TMEM130: variants seen among roughly 807,000 people sequenced by gnomAD.
The protein encoded by TMEM130 is transmembrane protein 130.
In TMEM130, 37 loss-of-function variants were observed where a neutral mutation model predicts 42.9. The ratio of observed to expected loss-of-function variants is 0.86; its 90% CI spans 0.66 to 1.13. TMEM130 has a LOEUF of 1.13. TMEM130 is among the 50% of genes most tolerant of loss of function. The probability of loss-of-function intolerance (pLI) is 0.00; values close to 1 mark genes in which losing one functional copy is unlikely to be tolerated. For missense variants in TMEM130, 545 were observed against 562.6 expected, an observed-to-expected ratio of 0.97 and a Z score of 0.32; for synonymous variants, 259 against 237.7, an observed-to-expected ratio of 1.09 and a Z score of -0.82.
In TMEM130 at chr7:98,869,406, T is replaced by G; in HGVS notation, c.85+371A>C. 1 of 1,201,846 alleles carries G rather than the reference T, an allele frequency of 8.3e-7. No individual in the cohort carries two copies. The highest frequency in any genetic ancestry group is 1.0e-6 in the Non-Finnish European group (1 of 955,438). The allele number at this position is 1,201,846 out of a possible 1,614,324, so 74.4% of individuals were successfully genotyped here. ...GGGGGACTGGGGAATTGTGGCGCGA[T>G]GACGGACCCTGGCGCATCCCCGCCT... On this transcript the variant is annotated intron_variant, in intron 1 of 7. Coordinates refer to ENST00000339375, the MANE Select transcript of TMEM130 (RefSeq NM_152913.3). This position sits in a 1 kb window ranked among gnomAD's most constrained non-coding sequence, Gnocchi z 4.7.
chr7:98,869,398 T>C lies in TMEM130; in HGVS notation c.85+379A>G, dbSNP rs116386131. The stretch of plus-strand genomic sequence containing the variant: ...TGCTCCCTGGGGGACTGGGGAATTG[T>C]GGCGCGATGACGGACCCTGGCGCAT... On this transcript the variant is annotated intron_variant, in intron 1 of 7. Transcript: ENST00000339375. The surrounding 1 kb of genome is among the most constrained non-coding windows in gnomAD (Gnocchi z 4.7). The C allele has an allele frequency of 0.014, 16,303 of 1,197,976 alleles. 1,765 individuals are homozygous for C. The African/African-American group carries it at 0.23, about 17-fold the overall frequency. The allele number at this position is 1,197,976 out of a possible 1,614,324, so 74.2% of individuals were successfully genotyped here. A position where few individuals can be genotyped will look rare whatever the true frequency, so the allele number is the denominator to read the frequency against.
At chr7:98,851,775 A>C (rs941269491) in intron 5 of TMEM130, 152 bp from the exon 6 acceptor site, 13 of 665,276 alleles carry the variant, frequency 2.0e-5, no homozygotes, top group Middle Eastern at 4.1e-4. Flanking sequence ...TGCATTCCAG[A>C]CCAGGGGACA....
At chr7:98,861,596 TCCCAGCTACTTGGGAGGCGA>T (rs1349539138) in intron 2 of TMEM130, among the ~76,000 whole-genome samples, 2 of 152,000 alleles carry the variant, frequency 1.3e-5, no homozygotes, top group African/African-American at 4.8e-5. Flanking sequence ...GCACCTGTAG[TCCCAGCTACTTGGGAGGCGA>T]AGGCACGAGA....
intron 6 of TMEM130, among the ~76,000 whole-genome samples, chr7:98,850,273 A>ATATATTTTTTTT: frequency 2.8e-5 from 1 of 35,448 alleles, no homozygotes; most frequent in Non-Finnish European, 6.3e-5. Context: ...ATATATATAT[A>ATATATTTTTTTT]TTTTTTTTTT....
rs549462354 is a variant in TMEM130 at position 98,847,765 on chromosome 7, C to G, written c.*291G>C. ...ACCTGGGAGTCAACACGGAACACCCCAAGCATCAAAGTCCTGCACGAAGCC... is the reference window on the plus strand; with the variant it reads ...ACCTGGGAGTCAACACGGAACACCCGAAGCATCAAAGTCCTGCACGAAGCC... On this transcript the variant is annotated 3_prime_UTR_variant, in exon 8 of 8. Transcript: ENST00000339375. 3.6e-6 allele frequency: 1 copy of G among 274,966 alleles called. No individual in the cohort carries two copies. The highest frequency in any genetic ancestry group is 6.6e-5 in the East Asian group (1 of 15,214). 17.0% of individuals were successfully genotyped at this position (274,966 alleles called of 1,614,324 possible).
rs1382614937 is a variant in TMEM130, at chr7:98,863,741, CTCT to C, written c.86-344_86-342del. On this transcript the variant is annotated intron_variant, in intron 1 of 7. Transcript: ENST00000339375. Reference sequence around the variant, plus strand: ...TCTTTTTCTTTCCTTTCCTTCCTTTCTCTTTTCTTTTCTCTCTCCTTCCTTCCT... The same window carrying C: ...TCTTTTTCTTTCCTTTCCTTCCTTTCTTTCTTTTCTCTCTCCTTCCTTCCT... 2.7e-5 allele frequency among the ~76,000 whole-genome samples: 4 copies of C among 147,490 alleles called. No homozygotes were observed. The East Asian group carries it at 8.1e-4, about 30-fold the overall frequency.
chr7:98,852,419 T>C (rs1371260544), intron 5 of TMEM130, among the ~76,000 whole-genome samples: 1 of 151,866 alleles, frequency 6.6e-6, no homozygotes, highest in Non-Finnish European at 1.5e-5. Context: ...CGTGAGCCAC[T>C]GCGCCTGGCC....
At chr7:98,867,955 G>A (rs189624990) in intron 1 of TMEM130, among the ~76,000 whole-genome samples, 32 of 152,282 alleles carry the variant, frequency 2.1e-4, no homozygotes, top group African/African-American at 6.7e-4. Flanking sequence ...CCAGGCCGGC[G>A]TGGTGGCTCA....
chr7:98,869,325 C>T lies in TMEM130; in HGVS notation c.85+452G>A, dbSNP rs1479137858. 1.6e-6 allele frequency: 2 copies of T among 1,275,602 alleles called. No individual in the cohort carries two copies. The highest frequency in any genetic ancestry group is 3.1e-5 in the African/African-American group (2 of 65,324). The allele number at this position is 1,275,602 out of a possible 1,614,324, so 79.0% of individuals were successfully genotyped here. A position where few individuals can be genotyped will look rare whatever the true frequency, so the allele number is the denominator to read the frequency against. On this transcript the variant is annotated intron_variant, in intron 1 of 7. Transcript: ENST00000339375. The surrounding 1 kb of genome is among the most constrained non-coding windows in gnomAD (Gnocchi z 4.7). ...AAGCCAGCACCAACACGGTGGGAAA[C>T]CCCTCTAGATGAGGCGACATTTTAA...
Position 98,863,162 on chromosome 7 carries a change from C to A in TMEM130, c.324G>T (p.Trp108Cys). Residue 108 changes from tryptophan to cysteine, a missense_variant, in exon 2 of 8, where the codon TGG becomes TGT. Physicochemically the swap from Trp to Cys is radical, Grantham distance 215. Transcript: ENST00000339375. ...HVPGEFPVSV[W>C]VTAADCWMCQ... ...ACATCCAGCAGTCAGCGGCAGTGAC[C>A]CAGACAGAGACCGGGAATTCCCCGG... 6.2e-7 allele frequency: 1 copy of A among 1,614,088 alleles called. No individual in the cohort carries two copies. The highest frequency in any genetic ancestry group is 8.5e-7 in the Non-Finnish European group (1 of 1,180,040).
chr7:98,863,118 C>T lies in TMEM130; in HGVS notation c.368G>A (p.Gly123Asp). 1.2e-6 allele frequency: 2 copies of T among 1,613,272 alleles called. No individual in the cohort carries two copies. Among genetic ancestry groups the T allele is most frequent in the Non-Finnish European group, 8.5e-7 (1 of 1,179,796 alleles). Reference protein sequence around the residue: ...DCWMCQPVARGFVVLPITEFL... With the variant: ...DCWMCQPVARDFVVLPITEFL... The stretch of plus-strand genomic sequence containing the variant: ...ACCTGTGATGGGGAGGACCACAAAG[C>T]CCCTGGCCACAGGCTGGCACATCCA... The change falls in exon 2 of 8, where the codon GGC (glycine) becomes GAC (aspartate). Residue 123 changes from glycine (G) to aspartate (D), a missense_variant. Coordinates refer to ENST00000339375, the MANE Select transcript of TMEM130 (RefSeq NM_152913.3).
Position 98,848,107 on chromosome 7 carries a change from G to A in TMEM130, c.1221C>T (p.Asn407=). The change falls in exon 8 of 8, where the codon AAC becomes AAT. Residue 407 remains asparagine, a synonymous_variant. Transcript: ENST00000339375. ...PSEYLEIVRE[N]HGLLPPLYKS... Reference sequence around the variant, plus strand: ...TATAGAGGGGCGGGAGCAGCCCGTGGTTCTCACGAACAATTTCCAGGTACT... The same window carrying A: ...TATAGAGGGGCGGGAGCAGCCCGTGATTCTCACGAACAATTTCCAGGTACT... The A allele has an allele frequency of 6.2e-7, 1 of 1,614,140 alleles. No individual in the cohort carries two copies. The highest frequency in any genetic ancestry group is 8.5e-7 in the Non-Finnish European group (1 of 1,180,030).
chr7:98,849,447 T>G (rs1344134858), intron 6 of TMEM130, among the ~76,000 whole-genome samples: 2 of 152,176 alleles, frequency 1.3e-5, no homozygotes, highest in African/African-American at 4.8e-5. Context: ...ATTGATTACC[T>G]GTACTGCTGT....
At chr7:98,859,940 A>G (rs943331749) in intron 3 of TMEM130, among the ~76,000 whole-genome samples, 9 of 152,000 alleles carry the variant, frequency 5.9e-5, no homozygotes, top group African/African-American at 2.2e-4. Flanking sequence ...GTGGTGGCGC[A>G]AGCCTGCAGT....
chr7:98,853,711 C>T (rs947105084), intron 5 of TMEM130, among the ~76,000 whole-genome samples: 2 of 152,242 alleles, frequency 1.3e-5, no homozygotes, highest in Non-Finnish European at 2.9e-5. Flanking sequence ...CAGGGAGGGG[C>T]ATCCTCATGG....
intron 1 of TMEM130, among the ~76,000 whole-genome samples, chr7:98,864,794 G>A (rs1247818657): frequency 2.0e-5 from 3 of 152,168 alleles, no homozygotes; most frequent in African/African-American, 7.2e-5. Flanking sequence ...CAGCTACTCA[G>A]GAGGCTGAGG....
At position 98,860,193 on chromosome 7, in the gene TMEM130, C is replaced by T. The variant is rs1164172019; in HGVS notation, c.537G>A (p.Trp179Ter). ...FLKTALFLYS[W>*]DFGDGTQMVT... ...TAAGGACCTACCCGTCCCCGAAGTCCCAGCTGTAGAGAAACAAGGCGGTCT... is the reference window on the plus strand; with the variant it reads ...TAAGGACCTACCCGTCCCCGAAGTCTCAGCTGTAGAGAAACAAGGCGGTCT... Residue 179 changes from tryptophan to a stop codon, truncating the protein, a stop_gained, in exon 3 of 8, where the codon TGG becomes TGA. Transcript: ENST00000339375. LOFTEE classifies it high-confidence loss of function. The T allele has an allele frequency of 1.2e-6, 2 of 1,613,176 alleles. No homozygotes were observed. Among genetic ancestry groups the T allele is most frequent in the Non-Finnish European group, 1.7e-6 (2 of 1,179,534 alleles).
Position 98,847,861 on chromosome 7 carries a change from G to C in TMEM130, c.*195C>G. 1.7e-6 allele frequency: 1 copy of C among 582,092 alleles called. No individual in the cohort carries two copies. The highest frequency in any genetic ancestry group is 3.0e-6 in the Non-Finnish European group (1 of 328,436). The allele number at this position is 582,092 out of a possible 1,614,324, so 36.1% of individuals were successfully genotyped here. ...ATGTCAGTGGCTGGACTGTACAGATGGGTGAATGGCTGGGGTCAGGGGTGA... is the reference window on the plus strand; with the variant it reads ...ATGTCAGTGGCTGGACTGTACAGATCGGTGAATGGCTGGGGTCAGGGGTGA... On this transcript the variant is annotated 3_prime_UTR_variant, in exon 8 of 8. Transcript: ENST00000339375.
chr7:98,857,132 C>A (rs1794651834), intron 3 of TMEM130, among the ~76,000 whole-genome samples: 1 of 152,044 alleles, frequency 6.6e-6, no homozygotes, highest in Admixed American at 6.6e-5. Flanking sequence ...ATGTTACCCA[C>A]CCTAGTCTCG....
Sources: gnomAD v4.1 joint callset for allele counts (sites outside exome capture counted in the v4.1 genomes callset) on GRCh38, gnomAD v4.1.1 for gene constraint, Gnocchi (gnomAD v3.1) non-coding constraint, MANE v1.5 for transcripts, NCBI Gene and HGNC (gene_info 2026-07-23, HGNC 2026-07-21) for gene names.